The following SLC15A1 variants were observed in gnomAD, a reference collection of about 807,000 sequenced individuals.
The protein encoded by SLC15A1 is Caco-2 oligopeptide transporter.
A neutral mutation model predicts 92.9 loss-of-function variants in SLC15A1; 83 were observed. That is an observed-to-expected ratio of 0.89 (90% CI 0.75 to 1.07). The LOEUF is 1.07. Among genes scored for constraint, SLC15A1 ranks in the 50% least tolerant of loss-of-function variants. The pLI is 0.00. For synonymous variants in SLC15A1, 322 were observed against 318.2 expected, an observed-to-expected ratio of 1.01 and a Z score of -0.13; for missense variants, 857 against 880.1, an observed-to-expected ratio of 0.97 and a Z score of 0.33.
chr13:98,725,985 T>C, intron 4 of SLC15A1, 138 bp downstream of exon 4: 1 of 1,115,170 alleles, frequency 9.0e-7, no homozygotes, highest in South Asian at 1.6e-5. Context: ...GGATTACAGG[T>C]ATGAACCATA....
At chr13:98,751,234 T>C (rs2088543771) in intron 1 of SLC15A1, among the ~76,000 whole-genome samples, 1 of 152,346 alleles carries the variant, frequency 6.6e-6, no homozygotes, top group African/African-American at 2.4e-5. Flanking sequence ...CAATCTCAGT[T>C]GCAAACAGAG....
At chr13:98,752,488 C>T in intron 1 of SLC15A1, 107 bp downstream of exon 1, 1 of 1,083,774 alleles carries the variant, frequency 9.2e-7, no homozygotes, top group Non-Finnish European at 1.2e-6. Context: ...GGTCGCCCCG[C>T]TTCCCGCCGC....
intron 7 of SLC15A1, among the ~76,000 whole-genome samples, chr13:98,720,256 T>C (rs2139590681): frequency 6.6e-6 from 1 of 152,338 alleles, no homozygotes; most frequent in South Asian, 2.1e-4. Flanking sequence ...AATTAACAAG[T>C]TACATAAAAT....
intron 20 of SLC15A1, 110 bp downstream of exon 20, chr13:98,688,138 C>A: frequency 2.8e-6 from 2 of 722,620 alleles, no homozygotes; most frequent in Non-Finnish European, 2.3e-6. Flanking sequence ...ATTTAAAATA[C>A]AGATCCTAAT....
At chr13:98,732,307 A>G (rs7331065) in intron 1 of SLC15A1, among the ~76,000 whole-genome samples, 7,245 of 152,276 alleles carry the variant, frequency 0.048, 574 homozygotes, top group African/African-American at 0.17. Flanking sequence ...GACTTCCCAT[A>G]GGACTGTTCC....
intron 1 of SLC15A1, 56 bp from the exon 2 acceptor site, chr13:98,726,915 T>G (rs2088306329): frequency 6.3e-7 from 1 of 1,581,362 alleles, no homozygotes; most frequent in Non-Finnish European, 8.7e-7. Flanking sequence ...TAGTTTTTGC[T>G]GTGTCTAAAC....
intron 15 of SLC15A1, among the ~76,000 whole-genome samples, 171 bp downstream of exon 15, chr13:98,708,515 C>T (rs1368542046): frequency 2.6e-5 from 4 of 152,096 alleles, no homozygotes; most frequent in Non-Finnish European, 5.9e-5. Context: ...TGAAGCCCAC[C>T]CACTGTACCC....
intron 17 of SLC15A1, 58 bp from the exon 18 acceptor site, chr13:98,702,587 T>C (rs2088076933): frequency 7.6e-7 from 1 of 1,320,750 alleles, no homozygotes; most frequent in Non-Finnish European, 1.1e-6. Context: ...TTAGAATGAG[T>C]TCAGATGAAT....
At chr13:98,745,539 C>G (rs757259195) in intron 1 of SLC15A1, among the ~76,000 whole-genome samples, 4 of 152,122 alleles carry the variant, frequency 2.6e-5, no homozygotes, top group Non-Finnish European at 4.4e-5. Context: ...TAGAGTGCTC[C>G]TAAGAAGAGG....
At chr13:98,721,252 A>C (rs1367629643) in intron 7 of SLC15A1, 1 of 646,842 alleles carries the variant, frequency 1.5e-6, no homozygotes. Context: ...AGGAAGATGG[A>C]TGCCCATGCT....
chr13:98,726,048 T>C, intron 4 of SLC15A1, 75 bp downstream of exon 4: 1 of 1,548,126 alleles, frequency 6.5e-7, no homozygotes, highest in Non-Finnish European at 8.8e-7. Flanking sequence ...CATTCCCAGA[T>C]TCCACCATTC....
chr13:98,751,302 A>C (rs1594015880), intron 1 of SLC15A1, among the ~76,000 whole-genome samples: 1 of 152,116 alleles, frequency 6.6e-6, no homozygotes, highest in African/African-American at 2.4e-5. Flanking sequence ...TTCAAATCTA[A>C]CTCTGTATTC....
Position 98,726,489 on chromosome 13 carries a change from C to G in SLC15A1, c.22-40G>C, listed in dbSNP as rs8187819. ...ACAAGCACAGGATTGAAATACACCC[C>G]CCACTGGTCCATAGCCACAAAGGAG... On this transcript the variant is annotated intron_variant, in intron 2 of 22. Transcript: ENST00000376503. 233 of 1,571,090 alleles carry G rather than the reference C, an allele frequency of 1.5e-4. No individual in the cohort carries two copies. The African/African-American group carries it at 2.9e-3, about 20-fold the overall frequency.
At chr13:98,743,145 C>G (rs888157213) in intron 1 of SLC15A1, among the ~76,000 whole-genome samples, 2 of 152,074 alleles carry the variant, frequency 1.3e-5, no homozygotes, top group Non-Finnish European at 2.9e-5. Context: ...ATGACGTCAT[C>G]ATAGTGAATT....
At chr13:98,735,554 C>G (rs2390092) in intron 1 of SLC15A1, among the ~76,000 whole-genome samples, 1 of 152,104 alleles carries the variant, frequency 6.6e-6, no homozygotes, top group Non-Finnish European at 1.5e-5. Flanking sequence ...TCAAATTGTC[C>G]CTGTTTGCAG....
intron 1 of SLC15A1, among the ~76,000 whole-genome samples, chr13:98,732,825 G>A (rs1418089330): frequency 6.6e-6 from 1 of 152,152 alleles, no homozygotes; most frequent in Non-Finnish European, 1.5e-5. Context: ...ACTGCTTTGA[G>A]GACGTGTTTC....
chr13:98,721,869 GA>G lies in SLC15A1; in HGVS notation c.399del (p.Leu134SerfsTer78), dbSNP rs761598459. Reference sequence around the variant, plus strand: ...CAGGGTTTGATTCCTCCAGTCCCGAGAGCTATCAGGGCCAGGCCGATCAAGG... The same window carrying G: ...CAGGGTTTGATTCCTCCAGTCCCGAGGCTATCAGGGCCAGGCCGATCAAGG... ...VLSLIGLALI[A>X]LGTGGIKPCV... On this transcript the variant is annotated frameshift_variant, in exon 6 of 23. Transcript: ENST00000376503. LOFTEE classifies it high-confidence loss of function. The G allele has an allele frequency of 6.2e-7, 1 of 1,614,016 alleles. No individual in the cohort carries two copies.
At chr13:98,688,657 G>T in intron 18 of SLC15A1, 80 bp from the exon 19 acceptor site, 2 of 954,108 alleles carry the variant, frequency 2.1e-6, no homozygotes, top group East Asian at 4.9e-5. Context: ...CCTGAAGTTG[G>T]GCAATACTCC....
intron 18 of SLC15A1, 69 bp downstream of exon 18, chr13:98,702,411 C>T (rs1172661022): frequency 9.6e-7 from 1 of 1,038,292 alleles, no homozygotes; most frequent in Admixed American, 1.7e-5. Context: ...TACATTTGGA[C>T]TTTACTATGG....
Sources: gnomAD v4.1 joint callset for allele counts (sites outside exome capture counted in the v4.1 genomes callset) on GRCh38, gnomAD v4.1.1 for gene constraint, MANE v1.5 for transcripts, NCBI Gene and HGNC (gene_info 2026-07-23, HGNC 2026-07-21) for gene names.